Variants in MCTP2 observed in about 807,000 individuals in gnomAD.
MCTP2 encodes the protein multiple C2 and transmembrane domain-containing protein 2.
A neutral mutation model predicts 111.6 loss-of-function variants in MCTP2; 132 were observed. That is an observed-to-expected ratio of 1.18 (90% CI 1.03 to 1.37). The LOEUF is 1.37. Ranked by LOEUF, MCTP2 falls within the 40% of genes most tolerant of loss-of-function variation. MCTP2 has a pLI of 0.00. For synonymous variants in MCTP2, 395 were observed against 387.7 expected (o/e 1.02, Z -0.22); for missense variants, 1,183 against 1,067.9 (o/e 1.11, Z -1.50).
At chr15:94,314,415 T>A (rs1219732312) in intron 3 of MCTP2, 71 bp downstream of exon 3, 1 of 1,203,936 alleles carries the variant, frequency 8.3e-7, no homozygotes, top group Non-Finnish European at 1.2e-6. Context: ...GGGTTTGTAT[T>A]TTTTTTGCCT....
chr15:94,269,527 T>C lies in MCTP2; in HGVS notation c.-65-28674T>C, dbSNP rs149497895. Among the ~76,000 whole-genome samples, 812 of 152,348 alleles carry C rather than the reference T, an allele frequency of 5.3e-3. 4 individuals are homozygous for C. Among genetic ancestry groups the C allele is most frequent in the South Asian group, 0.02 (97 of 4,834 alleles). Reference sequence around the variant, plus strand: ...ATTATTGAAAACTGATATCTCAGTGTTAATTTTCAGTGTGTCTTGTATAAG... The same window carrying C: ...ATTATTGAAAACTGATATCTCAGTGCTAATTTTCAGTGTGTCTTGTATAAG... On this transcript the variant is annotated intron_variant, in intron 1 of 22. Transcript: ENST00000357742.
At chr15:94,332,875 T>TTA (rs145059818) in intron 4 of MCTP2, among the ~76,000 whole-genome samples, 35 of 151,896 alleles carry the variant, frequency 2.3e-4, no homozygotes, top group African/African-American at 4.8e-4. Context: ...CATGGTAAGT[T>TTA]TATATATATA....
At chr15:94,382,842 T>C (rs28530563) in intron 12 of MCTP2, among the ~76,000 whole-genome samples, 42,700 of 152,274 alleles carry the variant, frequency 0.28, 9,151 homozygotes, top group East Asian at 0.76. Context: ...AATGCGTTAA[T>C]GTCCTACGGA....
Position 94,440,176 on chromosome 15 carries a change from G to T in MCTP2, c.2086G>T (p.Val696Leu). 1 of 1,613,838 alleles carries T rather than the reference G, an allele frequency of 6.2e-7. No homozygotes were observed. Residue 696 changes from valine (V) to leucine (L), a missense_variant and splice_region_variant, in exon 18 of 23, where the codon GTA becomes TTA. Coordinates refer to ENST00000357742, the MANE Select transcript of MCTP2 (RefSeq NM_001385001.1). ...GTATTCTTATTTGTCTTTCAATCAG[G>T]TATTTTTGATCACTGTCTGGAATTT... ...STLRSTIAFA[V>L]FLITVWNFEL...
intron 21 of MCTP2, among the ~76,000 whole-genome samples, chr15:94,474,114 C>T (rs541380660): frequency 2.6e-5 from 4 of 152,084 alleles, no homozygotes; most frequent in South Asian, 2.1e-4. Flanking sequence ...TCTTTTCTTT[C>T]GCTAAAAGTA....
At chr15:94,288,987 G>T (rs1030975910) in intron 1 of MCTP2, among the ~76,000 whole-genome samples, 2 of 152,134 alleles carry the variant, frequency 1.3e-5, no homozygotes, top group Non-Finnish European at 2.9e-5. Context: ...GAAGAAAGAA[G>T]AAGATTGAAA....
intron 17 of MCTP2, among the ~76,000 whole-genome samples, chr15:94,407,452 A>G (rs1460806345): frequency 3.3e-5 from 5 of 152,194 alleles, no homozygotes; most frequent in Admixed American, 6.5e-5. Context: ...CCATATATCA[A>G]CGAGTATCTT....
At chr15:94,363,871 G>A (rs1445723860) in intron 10 of MCTP2, among the ~76,000 whole-genome samples, 9 of 152,094 alleles carry the variant, frequency 5.9e-5, no homozygotes, top group Non-Finnish European at 1.2e-4. Flanking sequence ...CACCGGAACA[G>A]ACCTAATTGG....
rs369953247 is a variant in MCTP2 at position 94,340,280 on chromosome 15, C to T, written c.857+5C>T. 2.6e-5 allele frequency: 42 copies of T among 1,600,234 alleles called. No individual in the cohort carries two copies. The highest frequency in any genetic ancestry group is 1.3e-4 in the African/African-American group (10 of 74,592). On this transcript the variant is annotated splice_donor_5th_base_variant and intron_variant, in intron 6 of 22. Coordinates refer to ENST00000357742, the MANE Select transcript of MCTP2 (RefSeq NM_001385001.1). ...CAGTGATCTTGAGCTTAACAGGTAC[C>T]GTATTTTTACATTTTAATTGTTATT...
intron 1 of MCTP2, among the ~76,000 whole-genome samples, chr15:94,265,678 C>A (rs926546754): frequency 6.6e-6 from 1 of 152,040 alleles, no homozygotes; most frequent in South Asian, 2.1e-4. Context: ...AAATATTATT[C>A]AGTTGTACAT....
Position 94,298,553 on chromosome 15 carries a change from G to T in MCTP2, c.288G>T (p.Leu96Phe). The change falls in exon 2 of 23, where the codon TTG becomes TTT. Residue 96 changes from leucine (L) to phenylalanine (F), a missense_variant. By Grantham distance (22) the Leu-to-Phe change is conservative (BLOSUM62 0). Coordinates refer to ENST00000357742, the MANE Select transcript of MCTP2 (RefSeq NM_001385001.1). The stretch of plus-strand genomic sequence containing the variant: ...TTCCCAAGAGCAGCAGTAGCTCCTT[G>T]AAACAGTCTGAAGAAGAATTGGATT... ...GIFPKSSSSS[L>F]KQSEEELDWS... 1 of 1,614,140 alleles carries T rather than the reference G, an allele frequency of 6.2e-7. No individual in the cohort carries two copies. Among genetic ancestry groups the T allele is most frequent in the Non-Finnish European group, 8.5e-7 (1 of 1,180,018 alleles).
At chr15:94,343,026 A>G (rs2077746068) in intron 7 of MCTP2, 1 of 126,506 alleles carries the variant, frequency 7.9e-6, no homozygotes, top group Non-Finnish European at 1.8e-5. Context: ...ACCTATATAT[A>G]TATACATATG....
At chr15:94,431,919 G>A (rs184801159) in intron 17 of MCTP2, among the ~76,000 whole-genome samples, 49 of 152,270 alleles carry the variant, frequency 3.2e-4, no homozygotes, top group African/African-American at 1.2e-3. Context: ...TTCTGAAAGT[G>A]TCTGTGTCTG....
intron 10 of MCTP2, among the ~76,000 whole-genome samples, chr15:94,364,205 C>A (rs943484832): frequency 5.3e-5 from 8 of 151,642 alleles, no homozygotes; most frequent in Non-Finnish European, 8.8e-5. Context: ...TGGGAAAAAA[C>A]CTTCATTTGT....
chr15:94,434,796 A>G (rs527518363), intron 17 of MCTP2, among the ~76,000 whole-genome samples: 11 of 150,858 alleles, frequency 7.3e-5, no homozygotes, highest in African/African-American at 2.2e-4. Flanking sequence ...CTAGTGTGTT[A>G]TTTGCTAAAA....
chr15:94,319,173 T>C (rs1157961042), intron 4 of MCTP2, among the ~76,000 whole-genome samples: 1 of 152,196 alleles, frequency 6.6e-6, no homozygotes, highest in Admixed American at 6.5e-5. Context: ...CAACTTCTGT[T>C]TGATTATCAC....
chr15:94,466,951 C>T (rs768956696), intron 20 of MCTP2, among the ~76,000 whole-genome samples: 4 of 152,094 alleles, frequency 2.6e-5, no homozygotes, highest in Admixed American at 6.6e-5. Flanking sequence ...TTTCAAAACT[C>T]TACCAGATAT....
At chr15:94,457,672 G>A (rs910331669) in intron 19 of MCTP2, among the ~76,000 whole-genome samples, 4 of 152,192 alleles carry the variant, frequency 2.6e-5, no homozygotes, top group Non-Finnish European at 5.9e-5. Context: ...AAAATGCAGC[G>A]GAGTTTGACT....
chr15:94,264,460 T>A (rs1242570908), intron 1 of MCTP2, among the ~76,000 whole-genome samples: 1 of 151,868 alleles, frequency 6.6e-6, no homozygotes, highest in Non-Finnish European at 1.5e-5. Flanking sequence ...TACAAAAAAA[T>A]TAGCTGGGCA....
Sources: allele counts gnomAD v4.1 joint callset (sites outside exome capture counted in the v4.1 genomes callset), GRCh38; gene constraint gnomAD v4.1.1; transcripts MANE v1.5; gene names NCBI Gene and HGNC (gene_info 2026-07-23, HGNC 2026-07-21).